The following CRIM1 variants were observed in gnomAD, a reference collection of about 807,000 sequenced individuals.
CRIM1 encodes cysteine-rich motor neuron 1 protein.
CRIM1 carries 32 observed loss-of-function variants against 116.4 expected under a neutral mutation model. The ratio of observed to expected loss-of-function variants is 0.27; its 90% CI spans 0.21 to 0.37. The LOEUF (loss-of-function observed/expected upper bound fraction) is 0.37, where lower values mean the gene tolerates loss of function less well. CRIM1 is among the 10% of genes least tolerant of loss of function. The pLI is 1.00. For missense variants in CRIM1, 1,331 were observed against 1,354.8 expected, an observed-to-expected ratio of 0.98 and a Z score of 0.28; for synonymous variants, 590 against 509.2, an observed-to-expected ratio of 1.16 and a Z score of -2.13.
chr2:36,437,381 A>C (rs1176859085), intron 2 of CRIM1, among the ~76,000 whole-genome samples: 1 of 152,042 alleles, frequency 6.6e-6, no homozygotes, highest in Non-Finnish European at 1.5e-5. Flanking sequence ...TCTCAAAAAA[A>C]AAAAGAGTTA....
At chr2:36,448,223 G>A (rs1186256239) in intron 4 of CRIM1, among the ~76,000 whole-genome samples, 1 of 152,224 alleles carries the variant, frequency 6.6e-6, no homozygotes, top group Non-Finnish European at 1.5e-5. Flanking sequence ...CAAAGATGTT[G>A]AATAGAGATT....
chr2:36,496,291 A>G (rs529928177), intron 7 of CRIM1, among the ~76,000 whole-genome samples: 2 of 152,310 alleles, frequency 1.3e-5, no homozygotes, highest in South Asian at 2.1e-4. Flanking sequence ...CACAATGACT[A>G]TTGTTGTGTT....
At chr2:36,359,306 T>G (rs572122368) in intron 1 of CRIM1, among the ~76,000 whole-genome samples, 6 of 152,352 alleles carry the variant, frequency 3.9e-5, no homozygotes, top group African/African-American at 1.4e-4. Flanking sequence ...AGAAATATTA[T>G]CATGACTAAT....
rs1257302085 is a variant in CRIM1 at position 36,512,399 on chromosome 2, G to A, written c.1780+5G>A. 6.2e-7 allele frequency: 1 copy of A among 1,609,060 alleles called. No individual in the cohort carries two copies. The highest frequency in any genetic ancestry group is 8.5e-7 in the Non-Finnish European group (1 of 1,175,922). On this transcript the variant is annotated splice_donor_5th_base_variant and intron_variant, in intron 10 of 16. Coordinates refer to ENST00000280527, the MANE Select transcript of CRIM1 (RefSeq NM_016441.3). ...GTCTTATCTGCAAGTGCAGAGGTAA[G>A]TGTGTACACATGGCCCTTCCCCCTC... is the stretch of plus-strand genomic sequence containing the variant.
chr2:36,398,950 TG>T (rs1672231035), intron 2 of CRIM1, among the ~76,000 whole-genome samples: 1 of 152,170 alleles, frequency 6.6e-6, no homozygotes, highest in Non-Finnish European at 1.5e-5. Flanking sequence ...GATTTGGAAT[TG>T]TGTGATAAGG....
intron 2 of CRIM1, among the ~76,000 whole-genome samples, chr2:36,426,261 T>C (rs1376998092): frequency 2.0e-5 from 3 of 152,164 alleles, no homozygotes; most frequent in Non-Finnish European, 4.4e-5. Flanking sequence ...AAATTTCACT[T>C]TCTGGGACAA....
intron 4 of CRIM1, among the ~76,000 whole-genome samples, chr2:36,447,313 T>G (rs1455676161): frequency 6.6e-6 from 1 of 152,200 alleles, no homozygotes; most frequent in Non-Finnish European, 1.5e-5. Context: ...TGTTTTTAAG[T>G]CCAAGAAATA....
intron 8 of CRIM1, among the ~76,000 whole-genome samples, chr2:36,503,103 T>C (rs1351302200): frequency 6.6e-6 from 1 of 152,224 alleles, no homozygotes; most frequent in Non-Finnish European, 1.5e-5. Flanking sequence ...TTGGCAACTT[T>C]GGAAGCCACA....
chr2:36,426,954 G>A (rs952053456), intron 2 of CRIM1, among the ~76,000 whole-genome samples: 5 of 152,162 alleles, frequency 3.3e-5, no homozygotes, highest in Admixed American at 1.3e-4. Flanking sequence ...TGTAATCCCA[G>A]CACTTTGGGA....
intron 7 of CRIM1, among the ~76,000 whole-genome samples, chr2:36,483,717 A>G (rs890109198): frequency 1.2e-4 from 18 of 152,198 alleles, no homozygotes; most frequent in Admixed American, 1.1e-3. Flanking sequence ...TAGATGCTCA[A>G]AATTTTTAAA....
At chr2:36,536,903 G>T (rs141567933) in intron 13 of CRIM1, among the ~76,000 whole-genome samples, 35 of 151,954 alleles carry the variant, frequency 2.3e-4, no homozygotes, top group African/African-American at 7.5e-4. Flanking sequence ...TGAAGGAAGT[G>T]GTTATCTCGG....
chr2:36,398,821 T>C (rs1262009880), intron 2 of CRIM1, among the ~76,000 whole-genome samples: 1 of 152,234 alleles, frequency 6.6e-6, no homozygotes, highest in African/African-American at 2.4e-5. Flanking sequence ...AGCATACTTA[T>C]ATTCAGGTAT....
intron 2 of CRIM1, among the ~76,000 whole-genome samples, chr2:36,428,762 G>T (rs559309229): frequency 6.6e-6 from 1 of 152,218 alleles, no homozygotes; most frequent in South Asian, 2.1e-4. Flanking sequence ...ACTTACATTC[G>T]CTCTTAAGGC....
intron 1 of CRIM1, 46 bp from the exon 2 acceptor site, chr2:36,396,568 A>C: frequency 7.3e-7 from 1 of 1,376,082 alleles, no homozygotes; most frequent in South Asian, 1.7e-5. Context: ...CAGGCCTTTG[A>C]ATGAAGCTGC....
chr2:36,441,530 G>A, intron 3 of CRIM1, 30 bp downstream of exon 3: 8 of 1,600,188 alleles, frequency 5.0e-6, no homozygotes, highest in Non-Finnish European at 6.8e-6. Flanking sequence ...CAGCAGCCTT[G>A]TTCCTTTGCA....
intron 2 of CRIM1, among the ~76,000 whole-genome samples, chr2:36,399,074 A>G (rs74583500): frequency 0.012 from 1,767 of 152,326 alleles, 42 homozygotes; most frequent in African/African-American, 0.04. Flanking sequence ...CATGACTTAC[A>G]TGGAATACAC....
At chr2:36,458,905 T>G (rs1325190347) in intron 4 of CRIM1, among the ~76,000 whole-genome samples, 2 of 152,230 alleles carry the variant, frequency 1.3e-5, no homozygotes, top group Non-Finnish European at 2.9e-5. Flanking sequence ...CACATTTTTC[T>G]TCTTTGGGTG....
At chr2:36,498,265 T>G (rs1299241417) in intron 7 of CRIM1, among the ~76,000 whole-genome samples, 1 of 152,174 alleles carries the variant, frequency 6.6e-6, no homozygotes, top group Non-Finnish European at 1.5e-5. Flanking sequence ...GCAGATTTTG[T>G]GTTGCACAGA....
chr2:36,356,149 G>A lies in CRIM1; in HGVS notation c.-144G>A, dbSNP rs1248223757. The A allele has an allele frequency of 5.4e-6, 1 of 185,818 alleles. No homozygotes were observed. Among genetic ancestry groups the A allele is most frequent in the African/African-American group, 2.4e-5 (1 of 41,870 alleles). 11.5% of individuals were successfully genotyped at this position (185,818 alleles called of 1,614,324 possible). A position where few individuals can be genotyped will look rare whatever the true frequency, so the allele number is the denominator to read the frequency against. ...GCGGGGGCCTCGCCCCGCGAGGGGAGGCGCGCCCCGGGGGCCCCGAGAGGG... is the reference window on the plus strand; with the variant it reads ...GCGGGGGCCTCGCCCCGCGAGGGGAAGCGCGCCCCGGGGGCCCCGAGAGGG... On this transcript the variant is annotated 5_prime_UTR_variant, in exon 1 of 17. Coordinates refer to ENST00000280527, the MANE Select transcript of CRIM1 (RefSeq NM_016441.3). This position sits in a 1 kb window ranked among gnomAD's most constrained non-coding sequence, Gnocchi z 4.3.
Sources: gnomAD v4.1 joint callset for allele counts (sites outside exome capture counted in the v4.1 genomes callset) on GRCh38, gnomAD v4.1.1 for gene constraint, Gnocchi (gnomAD v3.1) non-coding constraint, MANE v1.5 for transcripts, NCBI Gene and HGNC (gene_info 2026-07-23, HGNC 2026-07-21) for gene names.